Variants in DAO observed in about 807,000 individuals in gnomAD.
DAO encodes the protein D-amino acid oxidase, also known as D-amino-acid oxidase.
Under a neutral mutation model 50.1 loss-of-function variants are expected in DAO, and 51 were observed. The observed-to-expected ratio is 1.02, with a 90% CI of 0.81 to 1.29. The LOEUF (loss-of-function observed/expected upper bound fraction) is 1.29. Ranked by LOEUF, DAO falls within the 50% of genes most tolerant of loss-of-function variation. The pLI is 0.00. For synonymous variants in DAO, 160 were observed against 166.2 expected (o/e 0.96, Z 0.29); for missense variants, 436 against 439.4 (o/e 0.99, Z 0.07).
intron 7 of DAO, among the ~76,000 whole-genome samples, 178 bp downstream of exon 7, chr12:108,894,545 A>G (rs1422784511): frequency 6.6e-6 from 1 of 152,058 alleles, no homozygotes; most frequent in African/African-American, 2.4e-5. Flanking sequence ...CTCTTTCAGG[A>G]TTTCCTCTTG....
intron 3 of DAO, among the ~76,000 whole-genome samples, chr12:108,887,835 C>T (rs141449282): frequency 9.8e-4 from 149 of 152,324 alleles, no homozygotes; most frequent in African/African-American, 3.2e-3. Context: ...AAAATACAAA[C>T]ATGTTCTGCA....
At chr12:108,882,977 C>A (rs1001467203) in intron 1 of DAO, among the ~76,000 whole-genome samples, 1 of 152,050 alleles carries the variant, frequency 6.6e-6, no homozygotes. Flanking sequence ...TGTGCCACTG[C>A]ACTCCAGCCT....
intron 5 of DAO, 128 bp downstream of exon 5, chr12:108,890,401 G>T: frequency 1.4e-6 from 1 of 737,644 alleles, no homozygotes. Context: ...GGCCTGGTGT[G>T]GGAGCTATCC....
intron 2 of DAO, among the ~76,000 whole-genome samples, chr12:108,885,862 C>T (rs563141115): frequency 1.3e-5 from 2 of 152,330 alleles, no homozygotes; most frequent in Admixed American, 6.5e-5. Flanking sequence ...TCAAGCGATT[C>T]TCCTGCCTCA....
intron 2 of DAO, among the ~76,000 whole-genome samples, chr12:108,887,127 G>A (rs561260435): frequency 2.6e-5 from 4 of 152,140 alleles, no homozygotes; most frequent in Non-Finnish European, 5.9e-5. Context: ...TGAACAGTGT[G>A]GCTCATAATC....
chr12:108,900,050 C>T, intron 10 of DAO: 1 of 340,008 alleles, frequency 2.9e-6, no homozygotes, highest in East Asian at 7.4e-5. Flanking sequence ...TCCTCTGGAG[C>T]TCTTTGGGAT....
intron 3 of DAO, 70 bp from the exon 4 acceptor site, chr12:108,889,399 C>G: frequency 1.8e-6 from 2 of 1,094,694 alleles, no homozygotes; most frequent in Non-Finnish European, 2.8e-6. Flanking sequence ...TGTGAGCCAC[C>G]TCGCCTGGCC....
At chr12:108,881,198 A>ACACACACACACACACACAC (rs1555244705) in intron 1 of DAO, among the ~76,000 whole-genome samples, 5 of 144,976 alleles carry the variant, frequency 3.4e-5, no homozygotes, top group East Asian at 2.0e-4. Context: ...ACACACACAC[A>ACACACACACACACACACAC]AATATAATAA....
intron 3 of DAO, among the ~76,000 whole-genome samples, chr12:108,889,181 C>A (rs759099563): frequency 2.6e-5 from 4 of 151,716 alleles, no homozygotes; most frequent in Admixed American, 6.6e-5. Context: ...TTTCGGCTTA[C>A]TGCAACCTCC....
In DAO at chr12:108,895,262, CATGT is replaced by C. The variant is rs560049267; in HGVS notation, c.612+900_612+903del. On this transcript the variant is annotated intron_variant, in intron 7 of 10. Transcript: ENST00000228476. ...GTGCATATGAGGGTATGTGTGTGTG[CATGT>C]ATGTGTGTGTGTGTATGTAAGGGTA... Among the ~76,000 whole-genome samples, 928 of 150,864 alleles carry C rather than the reference CATGT, an allele frequency of 6.2e-3. 4 individuals are homozygous for C. The highest frequency in any genetic ancestry group is 0.011 in the Non-Finnish European group (733 of 67,726).
chr12:108,898,780 T>A lies in DAO; in HGVS notation c.797T>A (p.Leu266Gln). Residue 266 changes from leucine (L) to glutamine (Q), a missense_variant, in exon 9 of 11, where the codon CTG (leucine) becomes CAG (glutamine). Leu to Gln is a moderately radical substitution (Grantham distance 113). Coordinates refer to ENST00000228476, the MANE Select transcript of DAO (RefSeq NM_001917.5). ...HNTIWEGCCRLEPTLKNARII... is the reference protein window; with the variant it reads ...HNTIWEGCCRQEPTLKNARII... ...ACCATTTGGGAAGGCTGCTGCAGAC[T>A]GGAGCCCACACTGAAGGTAAGGTAG... 1 of 1,613,376 alleles carries A rather than the reference T, an allele frequency of 6.2e-7. No individual in the cohort carries two copies. Among genetic ancestry groups the A allele is most frequent in the Non-Finnish European group, 8.5e-7 (1 of 1,179,330 alleles).
At chr12:108,895,871 T>C (rs1225865485) in intron 7 of DAO, among the ~76,000 whole-genome samples, 1 of 151,850 alleles carries the variant, frequency 6.6e-6, no homozygotes, top group African/African-American at 2.4e-5. Flanking sequence ...TGTGGGCTGA[T>C]GGGTGTAACA....
At chr12:108,899,174 AT>A (rs1404309062) in intron 9 of DAO, among the ~76,000 whole-genome samples, 2 of 152,010 alleles carry the variant, frequency 1.3e-5, no homozygotes, top group Admixed American at 1.3e-4. Flanking sequence ...TGATGATGGA[AT>A]TGGTGGAAAG....
intron 3 of DAO, 64 bp downstream of exon 3, chr12:108,887,628 C>A: frequency 1.7e-6 from 2 of 1,177,510 alleles, no homozygotes; most frequent in Non-Finnish European, 2.6e-6. Context: ...AGGGTGGGTG[C>A]AGCAGAGCCT....
rs1324213679 is a variant in DAO at position 108,885,208 on chromosome 12, A to T, written c.194+8A>T. ...CAACAACCCACAGGAGGCGTGAGTG[A>T]GGGTCACATAGGGTAGCCTGGGGTG... On this transcript the variant is annotated splice_region_variant and intron_variant, in intron 2 of 10. Coordinates refer to ENST00000228476, the MANE Select transcript of DAO (RefSeq NM_001917.5). The T allele has an allele frequency of 6.2e-7, 1 of 1,610,250 alleles. No homozygotes were observed. The highest frequency in any genetic ancestry group is 1.1e-5 in the South Asian group (1 of 91,070).
Position 108,887,555 on chromosome 12 carries a change from A to C in DAO, c.300A>C (p.Glu100Asp). Residue 100 changes from glutamate (E) to aspartate (D), a missense_variant, in exon 3 of 11, where the codon GAA becomes GAC. Glu to Asp is a conservative substitution (Grantham distance 45). Coordinates refer to ENST00000228476, the MANE Select transcript of DAO (RefSeq NM_001917.5). ...TCTCGGGCTACAACCTCTTCCATGA[A>C]GCCATTCCGGTGGGTGAACAGTTCT... is the stretch of plus-strand genomic sequence containing the variant. ...FLISGYNLFHEAIPDPSWKDT... is the reference protein window; with the variant it reads ...FLISGYNLFHDAIPDPSWKDT... 1 of 1,612,570 alleles carries C rather than the reference A, an allele frequency of 6.2e-7. No homozygotes were observed. Among genetic ancestry groups the C allele is most frequent in the Non-Finnish European group, 8.5e-7 (1 of 1,178,664 alleles).
chr12:108,894,196 G>A (rs909019930), intron 6 of DAO, 67 bp from the exon 7 acceptor site: 44 of 1,204,870 alleles, frequency 3.7e-5, no homozygotes, highest in Admixed American at 7.6e-5. Flanking sequence ...GAAAGGGGAA[G>A]AGAGAACAGG....
intron 6 of DAO, among the ~76,000 whole-genome samples, chr12:108,893,251 A>G (rs1226870377): frequency 6.6e-6 from 1 of 152,178 alleles, no homozygotes; most frequent in Non-Finnish European, 1.5e-5. Context: ...CATGGTGGCC[A>G]TTAGGAGCTG....
intron 6 of DAO, among the ~76,000 whole-genome samples, chr12:108,893,611 G>T (rs2039515025): frequency 6.6e-6 from 1 of 152,182 alleles, no homozygotes; most frequent in Non-Finnish European, 1.5e-5. Flanking sequence ...GGCCCTGATG[G>T]ACACCGAAGA....
Sources: gnomAD v4.1 joint callset for allele counts (sites outside exome capture counted in the v4.1 genomes callset) on GRCh38, gnomAD v4.1.1 for gene constraint, MANE v1.5 for transcripts, NCBI Gene and HGNC (gene_info 2026-07-23, HGNC 2026-07-21) for gene names.